ST6GAL1: variants seen among roughly 807,000 people sequenced by gnomAD.
The protein encoded by ST6GAL1 is beta-galactoside alpha-2,6-sialyltransferase 1.
A neutral mutation model predicts 38.0 loss-of-function variants in ST6GAL1; 20 were observed. That is an observed-to-expected ratio of 0.53 (90% CI 0.37 to 0.77). ST6GAL1 has a LOEUF of 0.77. ST6GAL1 is among the 30% of genes least tolerant of loss of function. ST6GAL1 has a pLI of 0.00. For synonymous variants in ST6GAL1, 196 were observed against 188.2 expected (o/e 1.04, Z -0.34); for missense variants, 432 against 496.4 (o/e 0.87, Z 1.23).
intron 2 of ST6GAL1, among the ~76,000 whole-genome samples, chr3:187,010,447 C>T (rs1318520984): frequency 1.3e-5 from 2 of 152,184 alleles, no homozygotes; most frequent in Non-Finnish European, 2.9e-5. Flanking sequence ...GAGGCAGAGA[C>T]AAGAGTAGAA....
intron 5 of ST6GAL1, among the ~76,000 whole-genome samples, chr3:187,067,475 T>C (rs1260305873): frequency 6.7e-6 from 1 of 150,044 alleles, no homozygotes; most frequent in Non-Finnish European, 1.5e-5. Context: ...CAGAGCCATG[T>C]GTAAAGTTCC....
intron 2 of ST6GAL1, among the ~76,000 whole-genome samples, chr3:186,984,286 C>G (rs1162142905): frequency 6.6e-6 from 1 of 152,208 alleles, no homozygotes; most frequent in Non-Finnish European, 1.5e-5. Context: ...TTACTACTAT[C>G]CCTGCCCCCT....
At chr3:186,955,653 C>T (rs577599603) in intron 1 of ST6GAL1, among the ~76,000 whole-genome samples, 289 of 152,214 alleles carry the variant, frequency 1.9e-3, no homozygotes, top group South Asian at 0.011. Flanking sequence ...CAGGTGCGTG[C>T]CACCATGCCC....
chr3:186,990,124 C>A (rs1423001184), intron 2 of ST6GAL1, among the ~76,000 whole-genome samples: 1 of 152,250 alleles, frequency 6.6e-6, no homozygotes, highest in African/African-American at 2.4e-5. Flanking sequence ...ACCTGTGCTT[C>A]CCAGGTTCAA....
chr3:187,053,279 C>T (rs1718577030), intron 5 of ST6GAL1, among the ~76,000 whole-genome samples: 1 of 152,154 alleles, frequency 6.6e-6, no homozygotes. Flanking sequence ...GTTTCTTTTG[C>T]TGTGCAGAAG....
intron 5 of ST6GAL1, among the ~76,000 whole-genome samples, chr3:187,065,863 G>A (rs1160000359): frequency 5.3e-5 from 8 of 152,118 alleles, no homozygotes; most frequent in Non-Finnish European, 1.2e-4. Flanking sequence ...GATCTTCATG[G>A]CAAACCCTGT....
intron 1 of ST6GAL1, among the ~76,000 whole-genome samples, chr3:186,934,746 T>TTTTATTTATTTA (rs146861695): frequency 5.9e-4 from 89 of 150,408 alleles, no homozygotes; most frequent in East Asian, 4.1e-3. Context: ...TTTTAAAAAA[T>TTTTATTTATTTA]TTTATTTATT....
intron 1 of ST6GAL1, among the ~76,000 whole-genome samples, chr3:186,932,991 A>T (rs888836841): frequency 6.6e-6 from 1 of 152,198 alleles, no homozygotes; most frequent in Non-Finnish European, 1.5e-5. Context: ...ATGCCTAGGC[A>T]GATAGGGTCA....
At chr3:186,948,139 C>T (rs978366391) in intron 1 of ST6GAL1, among the ~76,000 whole-genome samples, 3 of 152,092 alleles carry the variant, frequency 2.0e-5, no homozygotes, top group Admixed American at 6.5e-5. Flanking sequence ...GCCAGAGTTG[C>T]GTCGGGATGG....
intron 2 of ST6GAL1, among the ~76,000 whole-genome samples, chr3:186,985,375 T>G (rs1391055479): frequency 2.0e-5 from 3 of 152,042 alleles, no homozygotes; most frequent in Non-Finnish European, 4.4e-5. Flanking sequence ...CACTGTAGTA[T>G]CCTATGCACT....
At chr3:187,027,399 A>G (rs1460066205) in intron 2 of ST6GAL1, among the ~76,000 whole-genome samples, 3 of 152,074 alleles carry the variant, frequency 2.0e-5, no homozygotes, top group Non-Finnish European at 4.4e-5. Flanking sequence ...CTTCCCCCCA[A>G]TATTCTCCCA....
Position 187,075,853 on chromosome 3 carries a change from G to A in ST6GAL1, c.*50G>A. The A allele has an allele frequency of 6.2e-7, 1 of 1,604,318 alleles. No individual in the cohort carries two copies. The highest frequency in any genetic ancestry group is 8.5e-7 in the Non-Finnish European group (1 of 1,173,652). On this transcript the variant is annotated 3_prime_UTR_variant, in exon 8 of 8. Transcript: ENST00000169298. The surrounding 1 kb of genome is among the most constrained non-coding windows in gnomAD (Gnocchi z 4.1). ...TCAGGCATTAAATGAATGGTCTCTT[G>A]GCCACCCCAGCCTGGGAAGAACATT...
At chr3:186,949,352 G>A (rs1714496437) in intron 1 of ST6GAL1, among the ~76,000 whole-genome samples, 1 of 152,200 alleles carries the variant, frequency 6.6e-6, no homozygotes, top group Non-Finnish European at 1.5e-5. Context: ...TTTGTGGACT[G>A]CACAGTGCTG....
intron 2 of ST6GAL1, among the ~76,000 whole-genome samples, chr3:187,027,271 C>A (rs1178156806): frequency 6.6e-6 from 1 of 152,096 alleles, no homozygotes; most frequent in Non-Finnish European, 1.5e-5. Context: ...GAAAAGCTTT[C>A]TCAGCCTAGC....
At chr3:186,963,180 A>C (rs181104038) in intron 1 of ST6GAL1, among the ~76,000 whole-genome samples, 338 of 152,340 alleles carry the variant, frequency 2.2e-3, no homozygotes, top group Non-Finnish European at 4.1e-3. Flanking sequence ...ATTTAGGATC[A>C]GTTAAAAATG....
chr3:187,046,174 G>GATGA, intron 4 of ST6GAL1, among the ~76,000 whole-genome samples: 1 of 152,196 alleles, frequency 6.6e-6, no homozygotes, highest in Non-Finnish European at 1.5e-5. Context: ...TGGTAGCAGT[G>GATGA]ATGAAGAGAA....
chr3:186,997,982 C>T (rs761334247), intron 2 of ST6GAL1, among the ~76,000 whole-genome samples: 29 of 151,930 alleles, frequency 1.9e-4, no homozygotes, highest in Admixed American at 5.2e-4. Flanking sequence ...CATGGTGGCT[C>T]GTGCCTATAA....
Position 187,050,692 on chromosome 3 carries a change from A to T in ST6GAL1, c.608-557A>T, listed in dbSNP as rs1002470611. 2.6e-5 allele frequency among the ~76,000 whole-genome samples: 4 copies of T among 151,614 alleles called. No homozygotes were observed. In the East Asian group the frequency reaches 7.8e-4, roughly 29 times the overall value. On this transcript the variant is annotated intron_variant, in intron 4 of 7. Coordinates refer to ENST00000169298, the MANE Select transcript of ST6GAL1 (RefSeq NM_173216.2). ...CCATTTCTGCCACACCAGTTCTGTG[A>T]CTCTTCCCTGGGCCTCAGGTTCCTA...
chr3:187,044,415 G>A (rs1170994742), intron 4 of ST6GAL1, among the ~76,000 whole-genome samples: 4 of 152,122 alleles, frequency 2.6e-5, no homozygotes, highest in Non-Finnish European at 5.9e-5. Context: ...AAGAAAAGTA[G>A]GCCCAAACTG....
Sources: gnomAD v4.1 joint callset for allele counts (sites outside exome capture counted in the v4.1 genomes callset) on GRCh38, gnomAD v4.1.1 for gene constraint, Gnocchi (gnomAD v3.1) non-coding constraint, MANE v1.5 for transcripts, NCBI Gene and HGNC (gene_info 2026-07-23, HGNC 2026-07-21) for gene names.